The following SFMBT2 variants were observed in gnomAD, a reference collection of about 807,000 sequenced individuals.
The protein encoded by SFMBT2 is Scm like with four mbt domains 2.
SFMBT2 carries 38 observed loss-of-function variants against 110.1 expected under a neutral mutation model. That is an observed-to-expected ratio of 0.35 (90% CI 0.27 to 0.45). SFMBT2 has a LOEUF of 0.45. Among genes scored for constraint, SFMBT2 ranks in the 20% least tolerant of loss-of-function variants. The pLI, the probability that SFMBT2 is intolerant of heterozygous loss-of-function variation, is 1.00. For missense variants in SFMBT2, 1,011 were observed against 1,094.9 expected, an observed-to-expected ratio of 0.92 and a Z score of 1.08; for synonymous variants, 425 against 425.4, an observed-to-expected ratio of 1.00 and a Z score of 0.01.
intron 4 of SFMBT2, among the ~76,000 whole-genome samples, chr10:7,335,508 C>T (rs1305810848): frequency 6.6e-6 from 1 of 151,618 alleles, no homozygotes; most frequent in Non-Finnish European, 1.5e-5. Flanking sequence ...CAGACCACCA[C>T]AATTAAAACG....
chr10:7,295,942 CCAAGA>C (rs1263866299), intron 4 of SFMBT2, among the ~76,000 whole-genome samples: 5 of 152,132 alleles, frequency 3.3e-5, no homozygotes, highest in Non-Finnish European at 7.4e-5. Flanking sequence ...TCTGAAGTTC[CCAAGA>C]AGATCTTAGC....
chr10:7,170,984 C>T lies in SFMBT2; in HGVS notation c.2488G>A (p.Val830Met), dbSNP rs1037657308. 6.2e-7 allele frequency: 1 copy of T among 1,614,234 alleles called. No homozygotes were observed. Among genetic ancestry groups the T allele is most frequent in the Admixed American group, 1.7e-5 (1 of 60,028 alleles). The change falls in exon 20 of 21, where the codon GTG becomes ATG. Residue 830 changes from valine (V) to methionine (M), a missense_variant. Val to Met is a conservative substitution (Grantham distance 21). Transcript: ENST00000397167. This position sits in a 1 kb window ranked among gnomAD's most constrained non-coding sequence, Gnocchi z 4.6. ...CAGTCTGTCAGCTTAATGAACCTCACCACGTCGGTGACCGTCCACTCCAAC... is the reference window on the plus strand; with the variant it reads ...CAGTCTGTCAGCTTAATGAACCTCATCACGTCGGTGACCGTCCACTCCAAC... ...NPLEWTVTDV[V>M]RFIKLTDCAP...
chr10:7,332,231 C>A (rs1230155522), intron 4 of SFMBT2, among the ~76,000 whole-genome samples: 1 of 152,090 alleles, frequency 6.6e-6, no homozygotes, highest in African/African-American at 2.4e-5. Flanking sequence ...CTGTTTCTTG[C>A]AAGTGTTTCA....
intron 7 of SFMBT2, among the ~76,000 whole-genome samples, chr10:7,257,461 A>T (rs1240342496): frequency 2.0e-5 from 3 of 152,200 alleles, no homozygotes; most frequent in Non-Finnish European, 4.4e-5. Flanking sequence ...GGATATAGTC[A>T]TCATGAGTCA....
At chr10:7,261,491 C>G (rs1283823555) in intron 7 of SFMBT2, among the ~76,000 whole-genome samples, 2 of 152,172 alleles carry the variant, frequency 1.3e-5, no homozygotes, top group East Asian at 3.9e-4. Flanking sequence ...TGAATCAGTA[C>G]AGACTCACAG....
chr10:7,204,595 T>G, intron 12 of SFMBT2: 1 of 757,556 alleles, frequency 1.3e-6, no homozygotes, highest in Non-Finnish European at 1.6e-6. Flanking sequence ...AAACACACTA[T>G]TAGCCAGGCG....
At chr10:7,327,127 T>C (rs1365177586) in intron 4 of SFMBT2, among the ~76,000 whole-genome samples, 2 of 94,766 alleles carry the variant, frequency 2.1e-5, no homozygotes, top group African/African-American at 8.8e-5. Flanking sequence ...GGAAACCAGG[T>C]CTTCCTTGAA....
rs778340548 is a variant in SFMBT2 at position 7,172,043 on chromosome 10, C to T, written c.2267G>A (p.Arg756Gln). The T allele has an allele frequency of 2.4e-5, 38 of 1,592,568 alleles. No homozygotes were observed. Among genetic ancestry groups the T allele is most frequent in the Middle Eastern group, 1.7e-4 (1 of 5,876 alleles). Reference protein sequence around the residue: ...DTSSAEVPSARPRRAVTLRSG... With the variant: ...DTSSAEVPSAQPRRAVTLRSG... ...CCGCAGGGTGACGGCCCTCCGGGGC[C>T]GGGCCGAGGGCACCTCCGCCGACGA... The change falls in exon 19 of 21, where the codon CGG (arginine) becomes CAG (glutamine). Residue 756 changes from arginine to glutamine, a missense_variant. This residue lies in a region of SFMBT2 where 979 missense variants were observed against 1,016.1 expected (regional missense o/e 0.96). Coordinates refer to ENST00000397167, the MANE Select transcript of SFMBT2 (RefSeq NM_001387889.1). The surrounding 1 kb of genome is among the most constrained non-coding windows in gnomAD (Gnocchi z 4.6).
chr10:7,235,627 C>T (rs962253954), intron 9 of SFMBT2, among the ~76,000 whole-genome samples: 5 of 151,844 alleles, frequency 3.3e-5, no homozygotes, highest in Non-Finnish European at 7.4e-5. Flanking sequence ...CACACACACA[C>T]CCCACATACA....
chr10:7,213,772 CA>C (rs2131632606), intron 11 of SFMBT2, among the ~76,000 whole-genome samples: 1 of 148,048 alleles, frequency 6.8e-6, no homozygotes, highest in Admixed American at 6.7e-5. Context: ...CGCGGGCACT[CA>C]GATCCGTGTG....
At chr10:7,363,921 G>A (rs1844808082) in intron 4 of SFMBT2, among the ~76,000 whole-genome samples, 1 of 152,028 alleles carries the variant, frequency 6.6e-6, no homozygotes, top group Admixed American at 6.5e-5. Context: ...CTGGATCGCT[G>A]TAACTCCTGT....
rs111678664 is a variant in SFMBT2, at chr10:7,220,609, A to G, written c.1204-72T>C. 3.6e-3 allele frequency: 5,505 copies of G among 1,532,570 alleles called. 154 individuals carry two copies. The African/African-American group carries it at 0.062, about 17-fold the overall frequency. 94.9% of individuals were successfully genotyped at this position (1,532,570 alleles called of 1,614,324 possible). ...GACAAAGCTGGGCAGATGAAGAAAG[A>G]GAAAGAAATGCACGCACACGCATCT... On this transcript the variant is annotated intron_variant, in intron 10 of 20. Transcript: ENST00000397167.
rs117646211 is a variant in SFMBT2 at position 7,227,247 on chromosome 10, A to G, written c.1203+608T>C. The stretch of plus-strand genomic sequence containing the variant: ...TTAAGACTAGGCCTCAAGAGCAAAG[A>G]CTCTCCTATCAGTGGGTTCGTGGAT... On this transcript the variant is annotated intron_variant, in intron 10 of 20. Transcript: ENST00000397167. Among the ~76,000 whole-genome samples, 1,276 of 152,184 alleles carry G rather than the reference A, an allele frequency of 8.4e-3. 17 individuals carry two copies. The highest frequency in any genetic ancestry group is 0.046 in the South Asian group (221 of 4,822).
At chr10:7,269,826 T>A (rs1841523106) in intron 7 of SFMBT2, among the ~76,000 whole-genome samples, 1 of 39,598 alleles carries the variant, frequency 2.5e-5, no homozygotes, top group African/African-American at 5.2e-5. Context: ...AGAAGATTTC[T>A]CTTTTTTTTT....
At chr10:7,365,419 A>G (rs1844863375) in intron 4 of SFMBT2, among the ~76,000 whole-genome samples, 2 of 152,240 alleles carry the variant, frequency 1.3e-5, no homozygotes, top group African/African-American at 4.8e-5. Flanking sequence ...TCACTCGATT[A>G]CTCAGTGAAT....
intron 16 of SFMBT2, among the ~76,000 whole-genome samples, chr10:7,180,118 G>GT (rs1838200023): frequency 1.6e-5 from 2 of 122,678 alleles, no homozygotes; most frequent in Non-Finnish European, 3.3e-5. Flanking sequence ...TTTTATTTAG[G>GT]TTTGCTTTTT....
intron 4 of SFMBT2, among the ~76,000 whole-genome samples, chr10:7,307,470 G>A (rs1842729505): frequency 6.6e-6 from 1 of 152,160 alleles, no homozygotes; most frequent in African/African-American, 2.4e-5. Flanking sequence ...TAAAGATACA[G>A]TATAGATAAA....
chr10:7,238,490 G>T (rs1011429609), intron 9 of SFMBT2, among the ~76,000 whole-genome samples: 1 of 152,184 alleles, frequency 6.6e-6, no homozygotes, highest in Non-Finnish European at 1.5e-5. Flanking sequence ...TGAAACGTGA[G>T]TGACAAAATG....
intron 4 of SFMBT2, among the ~76,000 whole-genome samples, chr10:7,309,113 T>C (rs562406418): frequency 1.3e-5 from 2 of 152,292 alleles, no homozygotes; most frequent in South Asian, 2.1e-4. Context: ...ACATTTGAAA[T>C]TGTAGACTGA....
Sources: gnomAD v4.1 joint callset for allele counts (sites outside exome capture counted in the v4.1 genomes callset) on GRCh38, gnomAD v4.1.1 for gene constraint, gnomAD v4.1.1 regional missense constraint, Gnocchi (gnomAD v3.1) non-coding constraint, MANE v1.5 for transcripts, NCBI Gene and HGNC (gene_info 2026-07-23, HGNC 2026-07-21) for gene names.